The following SLC24A2 variants were observed in gnomAD, a reference collection of about 807,000 sequenced individuals.
SLC24A2 encodes solute carrier family 24 member 2.
SLC24A2 carries 36 observed loss-of-function variants against 62.0 expected under a neutral mutation model. That is an observed-to-expected ratio of 0.58 (90% confidence interval 0.44 to 0.77). SLC24A2 has a LOEUF of 0.77. Ranked by LOEUF, SLC24A2 falls within the 30% of genes least tolerant of loss-of-function variation. The pLI is 0.00. For missense variants in SLC24A2, 846 were observed against 817.9 expected, an observed-to-expected ratio of 1.03 and a Z score of -0.42; for synonymous variants, 358 against 294.0, an observed-to-expected ratio of 1.22 and a Z score of -2.23.
chr9:20,185,176 C>T, the SLC24A2 span, among the ~76,000 whole-genome samples: 1 of 151,986 alleles, frequency 6.6e-6, no homozygotes. Flanking sequence ...TATTATGCAA[C>T]ATGATGACTA....
chr9:19,910,296 G>A, the SLC24A2 span, among the ~76,000 whole-genome samples: 1 of 152,004 alleles, frequency 6.6e-6, no homozygotes, highest in Non-Finnish European at 1.5e-5. Context: ...CAGCTGATAT[G>A]ATCTAAAAAT....
intron 2 of SLC24A2, among the ~76,000 whole-genome samples, chr9:19,655,572 T>C (rs1239300610): frequency 6.6e-6 from 1 of 152,200 alleles, no homozygotes; most frequent in African/African-American, 2.4e-5. Context: ...GTTTCAGTTA[T>C]CTGTAAAATG....
the SLC24A2 span, among the ~76,000 whole-genome samples, chr9:19,908,873 A>C: frequency 1.4e-4 from 22 of 152,188 alleles, no homozygotes; most frequent in South Asian, 4.1e-4. Flanking sequence ...AACACTTTTA[A>C]ACTGTTGGTG....
At chr9:19,944,355 T>G in the SLC24A2 span, among the ~76,000 whole-genome samples, 1 of 151,096 alleles carries the variant, frequency 6.6e-6, no homozygotes, top group Non-Finnish European at 1.5e-5. Context: ...GTAGTATCAA[T>G]TTATAGCCCA....
At chr9:20,262,283 T>C in the SLC24A2 span, among the ~76,000 whole-genome samples, 16 of 152,352 alleles carry the variant, frequency 1.1e-4, no homozygotes, top group African/African-American at 3.6e-4. Context: ...TGTTTTGGCA[T>C]GTCCTACCTA....
the SLC24A2 span, among the ~76,000 whole-genome samples, chr9:19,896,646 A>C: frequency 6.6e-6 from 1 of 152,234 alleles, no homozygotes; most frequent in Non-Finnish European, 1.5e-5. Context: ...CCACAAAGGT[A>C]CTACATGGTA....
chr9:19,553,921 T>A (rs1834961177), intron 7 of SLC24A2, among the ~76,000 whole-genome samples: 1 of 152,198 alleles, frequency 6.6e-6, no homozygotes, highest in African/African-American at 2.4e-5. Context: ...TATTATGGAC[T>A]GAATTGTGTT....
the SLC24A2 span, among the ~76,000 whole-genome samples, chr9:20,192,635 A>G: frequency 6.6e-6 from 1 of 152,186 alleles, no homozygotes; most frequent in Non-Finnish European, 1.5e-5. Context: ...GAACTATGTC[A>G]TTATTAACCT....
intron 4 of SLC24A2, among the ~76,000 whole-genome samples, chr9:19,608,214 A>G (rs778356125): frequency 6.6e-6 from 1 of 152,236 alleles, no homozygotes; most frequent in Admixed American, 6.5e-5. Context: ...AAAGATTACA[A>G]AACTGCTTTT....
the SLC24A2 span, among the ~76,000 whole-genome samples, chr9:20,268,304 A>G: frequency 6.6e-6 from 1 of 152,180 alleles, no homozygotes; most frequent in East Asian, 1.9e-4. Context: ...CCCCACTGCT[A>G]TGGTTTGAAT....
the SLC24A2 span, among the ~76,000 whole-genome samples, chr9:20,291,026 C>G: frequency 6.6e-6 from 1 of 152,216 alleles, no homozygotes; most frequent in Non-Finnish European, 1.5e-5. Context: ...CAGCCCCACT[C>G]ACCCTCTTGA....
At chr9:19,602,398 G>A (rs537035430) in intron 4 of SLC24A2, among the ~76,000 whole-genome samples, 2 of 152,260 alleles carry the variant, frequency 1.3e-5, no homozygotes, top group South Asian at 2.1e-4. Flanking sequence ...CTTTTCACAA[G>A]TTTATATTGG....
the SLC24A2 span, among the ~76,000 whole-genome samples, chr9:20,292,915 G>T: frequency 6.6e-6 from 1 of 152,200 alleles, no homozygotes; most frequent in Non-Finnish European, 1.5e-5. Flanking sequence ...ATGGAGGCTG[G>T]AAGTTCAAAA....
chr9:20,065,985 G>T, the SLC24A2 span, among the ~76,000 whole-genome samples: 2 of 152,102 alleles, frequency 1.3e-5, no homozygotes, highest in Admixed American at 6.6e-5. Context: ...AACTATAAAG[G>T]CTGGAGTCAA....
the SLC24A2 span, among the ~76,000 whole-genome samples, chr9:19,974,896 G>A: frequency 0.025 from 3,820 of 152,272 alleles, 169 homozygotes; most frequent in African/African-American, 0.086. Context: ...TCCCGTCAGG[G>A]TTACAAGATG....
intron 2 of SLC24A2, among the ~76,000 whole-genome samples, chr9:19,708,898 T>C (rs954562965): frequency 5.3e-5 from 8 of 151,912 alleles, no homozygotes; most frequent in Non-Finnish European, 8.8e-5. Context: ...AAGCCAAAAT[T>C]GACAAATGGG....
chr9:19,931,920 TTTATTA>T, the SLC24A2 span, among the ~76,000 whole-genome samples: 2 of 152,004 alleles, frequency 1.3e-5, no homozygotes, highest in Non-Finnish European at 2.9e-5. Context: ...TTTAATTTTA[TTTATTA>T]TTATTATTAT....
At chr9:19,950,145 G>A in the SLC24A2 span, among the ~76,000 whole-genome samples, 1 of 152,070 alleles carries the variant, frequency 6.6e-6, no homozygotes, top group Middle Eastern at 3.2e-3. Context: ...GTCTCTTTGG[G>A]CAAATTATTA....
chr9:19,560,301 G>GCCCCCCA (rs1835326865), intron 7 of SLC24A2, among the ~76,000 whole-genome samples: 1 of 110,216 alleles, frequency 9.1e-6, no homozygotes, highest in African/African-American at 3.4e-5. Context: ...TTATGAGCCC[G>GCCCCCCA]CCCCCCACCC....
Sources: gnomAD v4.1 joint callset for allele counts (sites outside exome capture counted in the v4.1 genomes callset) on GRCh38, gnomAD v4.1.1 for gene constraint, MANE v1.5 for transcripts, NCBI Gene and HGNC (gene_info 2026-07-23, HGNC 2026-07-21) for gene names.